The following PCDH10 variants were observed in gnomAD, a reference collection of about 807,000 sequenced individuals.
PCDH10 encodes the protein protocadherin 10, also known as protocadherin-10.
Under a neutral mutation model 74.4 loss-of-function variants are expected in PCDH10, and 15 were observed. The ratio of observed to expected loss-of-function variants is 0.20; its 90% CI spans 0.13 to 0.31. PCDH10 has a LOEUF of 0.31. Among genes scored for constraint, PCDH10 ranks in the 10% least tolerant of loss-of-function variants. The pLI, the probability that PCDH10 is intolerant of heterozygous loss-of-function variation, is 1.00. For synonymous variants in PCDH10, 619 were observed against 589.8 expected (o/e 1.05, Z -0.72); for missense variants, 1,260 against 1,390.2 (o/e 0.91, Z 1.49).
At chr4:133,207,110 A>G (rs1351182896) in intron 2 of PCDH10, among the ~76,000 whole-genome samples, 1 of 152,040 alleles carries the variant, frequency 6.6e-6, no homozygotes, top group Non-Finnish European at 1.5e-5. Flanking sequence ...AATGATATCT[A>G]AAGTAATTTT....
intron 4 of PCDH10, among the ~76,000 whole-genome samples, chr4:133,165,951 A>G (rs936814930): frequency 2.6e-5 from 4 of 151,764 alleles, no homozygotes; most frequent in Admixed American, 2.0e-4. Context: ...ATATGCTTAC[A>G]CTTACATTTC....
rs568671640 is a variant in PCDH10, at chr4:133,192,167, T to A, written c.*2007T>A. The A allele has an allele frequency of 6.6e-6, 1 of 151,818 alleles. No individual in the cohort carries two copies. The highest frequency in any genetic ancestry group is 2.4e-5 in the African/African-American group (1 of 41,550). The allele number at this position is 151,818 out of a possible 1,614,324, so 9.4% of individuals were successfully genotyped here. On this transcript the variant is annotated 3_prime_UTR_variant, in exon 5 of 5. Coordinates refer to ENST00000264360, the MANE Select transcript of PCDH10 (RefSeq NM_032961.3). ...ACATATATGAAGCTAACAGATCATA[T>A]GTAATACAAAAAGCACATAAATTCA...
rs1489011224 is a variant in PCDH10, at chr4:133,150,970, C to T, written c.830C>T (p.Pro277Leu). Residue 277 changes from proline to leucine, a missense_variant, in exon 1 of 5, where the codon CCG (proline) becomes CTG (leucine). Pro to Leu is a moderately conservative substitution (Grantham distance 98). This residue lies in a region of PCDH10 where 192 missense variants were observed against 161.2 expected (regional missense o/e 1.19). Coordinates refer to ENST00000264360, the MANE Select transcript of PCDH10 (RefSeq NM_032961.3). ...TLVIQLNATD[P>L]DEGQNGEVVY... ...GTGATCCAGCTCAACGCCACCGACCCGGACGAGGGCCAGAACGGTGAGGTC... is the reference window on the plus strand; with the variant it reads ...GTGATCCAGCTCAACGCCACCGACCTGGACGAGGGCCAGAACGGTGAGGTC... 5.0e-6 allele frequency: 8 copies of T among 1,613,888 alleles called. No individual in the cohort carries two copies. The highest frequency in any genetic ancestry group is 6.8e-6 in the Non-Finnish European group (8 of 1,179,996).
downstream of PCDH10, among the ~76,000 whole-genome samples, chr4:133,196,787 A>AGCC (rs1267544814): frequency 6.6e-6 from 1 of 152,244 alleles, no homozygotes; most frequent in African/African-American, 2.4e-5. Context: ...GGAGTTGGCT[A>AGCC]GTTCGGATCT....
intron 3 of PCDH10, among the ~76,000 whole-genome samples, chr4:133,160,540 T>C (rs566078747): frequency 6.6e-6 from 1 of 151,148 alleles, no homozygotes; most frequent in East Asian, 1.9e-4. Context: ...AAAAACATAC[T>C]TGCCAGATAG....
chr4:133,150,995 C>G lies in PCDH10; in HGVS notation c.855C>G (p.Val285=), dbSNP rs746462897. The G allele has an allele frequency of 1.2e-6, 2 of 1,613,814 alleles. No homozygotes were observed. Among genetic ancestry groups the G allele is most frequent in the Non-Finnish European group, 1.7e-6 (2 of 1,180,004 alleles). ...CGGACGAGGGCCAGAACGGTGAGGT[C>G]GTGTACTCCTTCAGCAGCCACATTT... The part of the protein sequence containing the change: ...TDPDEGQNGE[V]VYSFSSHISP... Residue 285 remains valine, a synonymous_variant, in exon 1 of 5, where the codon GTC becomes GTG. Transcript: ENST00000264360.
At chr4:133,153,072 T>C (rs1282748249) in intron 1 of PCDH10, 2 of 1,356,652 alleles carry the variant, frequency 1.5e-6, no homozygotes, top group East Asian at 5.6e-5. Flanking sequence ...AACCTGGGCA[T>C]GAAGGGAAAC....
downstream of PCDH10, among the ~76,000 whole-genome samples, chr4:133,194,857 A>G (rs952181526): frequency 1.3e-5 from 2 of 152,002 alleles, no homozygotes; most frequent in African/African-American, 4.8e-5. Flanking sequence ...TATGATTCTC[A>G]TGATACCCAA....
At chr4:133,176,007 A>C (rs1727287956) in intron 4 of PCDH10, among the ~76,000 whole-genome samples, 1 of 152,168 alleles carries the variant, frequency 6.6e-6, no homozygotes, top group Non-Finnish European at 1.5e-5. Flanking sequence ...ATACTTAGTA[A>C]ATACATGCTT....
intron 1 of PCDH10, chr4:133,153,028 CTCT>C: frequency 7.0e-7 from 1 of 1,427,068 alleles, no homozygotes; most frequent in Non-Finnish European, 9.2e-7. Flanking sequence ...CCCTCCTTTG[CTCT>C]TCCATCCTGT....
intron 4 of PCDH10, among the ~76,000 whole-genome samples, chr4:133,170,842 G>A (rs977073397): frequency 2.1e-5 from 3 of 140,106 alleles, no homozygotes; most frequent in South Asian, 2.1e-4. Flanking sequence ...ACAGGCACAC[G>A]CCACCACACC....
At chr4:133,183,456 G>A (rs1052068491) in intron 4 of PCDH10, among the ~76,000 whole-genome samples, 3 of 152,050 alleles carry the variant, frequency 2.0e-5, no homozygotes, top group Admixed American at 6.6e-5. Context: ...GTCATACAAA[G>A]CTATGTGAGG....
intron 2 of PCDH10, among the ~76,000 whole-genome samples, chr4:133,204,734 T>G (rs1727968268): frequency 6.6e-6 from 1 of 152,156 alleles, no homozygotes; most frequent in African/African-American, 2.4e-5. Flanking sequence ...TAAGAGGTTA[T>G]TTTACTTGCC....
intron 4 of PCDH10, among the ~76,000 whole-genome samples, chr4:133,171,526 T>C (rs1007757567): frequency 6.6e-6 from 1 of 152,074 alleles, no homozygotes; most frequent in Non-Finnish European, 1.5e-5. Context: ...TTTCTTAAAG[T>C]GCAACATGTA....
chr4:133,153,191 CTTTG>C, intron 1 of PCDH10: 1 of 1,082,044 alleles, frequency 9.2e-7, no homozygotes. Flanking sequence ...CTCTATTTTG[CTTTG>C]TTTAACGATG....
rs1560704617 is a variant in PCDH10, at chr4:133,152,790, G to T, written c.2631+19G>T. On this transcript the variant is annotated intron_variant, in intron 1 of 4. Transcript: ENST00000264360. ...CAACGAGGTAAGGCTGAAGCGAAAGGACCACCATCTCTCATCTCCTCCATC... is the reference window on the plus strand; with the variant it reads ...CAACGAGGTAAGGCTGAAGCGAAAGTACCACCATCTCTCATCTCCTCCATC... 4.3e-6 allele frequency: 7 copies of T among 1,613,846 alleles called. No individual in the cohort carries two copies. The Admixed American group carries it at 1.2e-4, about 27-fold the overall frequency.
chr4:133,161,298 A>G (rs1578562793), intron 3 of PCDH10, among the ~76,000 whole-genome samples: 1 of 152,278 alleles, frequency 6.6e-6, no homozygotes, highest in East Asian at 1.9e-4. Flanking sequence ...GTCATTACGC[A>G]GTGAGATTAA....
At chr4:133,189,009 T>C (rs1727600272) in intron 4 of PCDH10, among the ~76,000 whole-genome samples, 1 of 151,996 alleles carries the variant, frequency 6.6e-6, no homozygotes, top group African/African-American at 2.4e-5. Flanking sequence ...GCCTGCTAAA[T>C]GGTGAACTAG....
In PCDH10 at chr4:133,163,220, A is replaced by G. The variant is rs760181712; in HGVS notation, c.3041A>G (p.Glu1014Gly). The change falls in exon 4 of 5, where the codon GAG becomes GGG. Residue 1014 changes from glutamate (E) to glycine (G), a missense_variant. By Grantham distance (98) the Glu-to-Gly change is moderately conservative. Transcript: ENST00000264360. ...GKEKALHSTL[E>G]RKELDGLLTN... ...GAGAAGGCCCTTCACAGCACTCTGG[A>G]GAGGAAGGAGCTGGATGGACTGCTG... is the stretch of plus-strand genomic sequence containing the variant. The G allele has an allele frequency of 1.2e-6, 2 of 1,614,070 alleles. No individual in the cohort carries two copies. Among genetic ancestry groups the G allele is most frequent in the South Asian group, 2.2e-5 (2 of 91,082 alleles).
Sources: allele counts gnomAD v4.1 joint callset (sites outside exome capture counted in the v4.1 genomes callset), GRCh38; gene constraint gnomAD v4.1.1; regional missense constraint gnomAD v4.1.1; transcripts MANE v1.5; gene names NCBI Gene and HGNC (gene_info 2026-07-23, HGNC 2026-07-21).